CHST9: variants seen among roughly 807,000 people sequenced by gnomAD.
The protein encoded by CHST9 is carbohydrate sulfotransferase 9, also known as GalNAc-4-sulfotransferase 2.
In CHST9, 41 loss-of-function variants were observed where a neutral mutation model predicts 44.4. The ratio of observed to expected loss-of-function variants is 0.92; its 90% CI spans 0.72 to 1.20. The LOEUF is 1.20. Ranked by LOEUF, CHST9 falls within the 50% of genes most tolerant of loss-of-function variation. CHST9 has a pLI of 0.00. For synonymous variants in CHST9, 171 were observed against 178.4 expected, an observed-to-expected ratio of 0.96 and a Z score of 0.33; for missense variants, 504 against 516.5, an observed-to-expected ratio of 0.98 and a Z score of 0.23.
intron 4 of CHST9, among the ~76,000 whole-genome samples, chr18:26,991,725 G>A (rs2056819052): frequency 1.5e-5 from 1 of 68,958 alleles, no homozygotes; most frequent in African/African-American, 3.9e-5. Context: ...ACAGTTTTCT[G>A]AGGAGGAGGG....
intron 2 of CHST9, among the ~76,000 whole-genome samples, chr18:27,090,778 G>A (rs1322231403): frequency 6.6e-6 from 1 of 152,088 alleles, no homozygotes; most frequent in Non-Finnish European, 1.5e-5. Flanking sequence ...TTATTTCTGA[G>A]GCCTCTGTTC....
At chr18:27,082,942 C>A (rs1030255744) in intron 2 of CHST9, among the ~76,000 whole-genome samples, 1 of 152,086 alleles carries the variant, frequency 6.6e-6, no homozygotes, top group Non-Finnish European at 1.5e-5. Flanking sequence ...CAGGGTAAGA[C>A]AACATCATGT....
At chr18:27,087,373 C>T (rs1479670358) in intron 2 of CHST9, among the ~76,000 whole-genome samples, 1 of 152,186 alleles carries the variant, frequency 6.6e-6, no homozygotes, top group Non-Finnish European at 1.5e-5. Flanking sequence ...TTAGCAGAAA[C>T]ACTAGCAAAA....
chr18:27,035,337 T>A lies in CHST9; in HGVS notation c.161-11180A>T, dbSNP rs1460742377. Among the ~76,000 whole-genome samples, 3 of 152,292 alleles carry A rather than the reference T, an allele frequency of 2.0e-5. No individual in the cohort carries two copies. In the East Asian group the frequency reaches 5.8e-4, roughly 29 times the overall value. ...AGTGTTTATTCAGGGTCTTTGTCCA[T>A]TTTTAAATCATGGTTTTTGTTGTTA... On this transcript the variant is annotated intron_variant, in intron 3 of 5. Transcript: ENST00000618847.
chr18:27,016,314 TG>T (rs1295174051), intron 4 of CHST9, among the ~76,000 whole-genome samples: 1 of 152,174 alleles, frequency 6.6e-6, no homozygotes, highest in Non-Finnish European at 1.5e-5. Context: ...CCTGTTACCT[TG>T]GCCTAGAACA....
chr18:27,075,509 A>G (rs1598702326), intron 2 of CHST9, among the ~76,000 whole-genome samples: 1 of 129,916 alleles, frequency 7.7e-6, no homozygotes, highest in Admixed American at 7.6e-5. Flanking sequence ...GACTCCAAGT[A>G]GTCTGACATT....
At chr18:27,094,145 T>C (rs2058094752) in intron 2 of CHST9, among the ~76,000 whole-genome samples, 1 of 152,170 alleles carries the variant, frequency 6.6e-6, no homozygotes, top group Admixed American at 6.5e-5. Context: ...GTATACATAG[T>C]GGAAAACTCT....
At chr18:27,112,583 G>A (rs1199589689) in intron 2 of CHST9, among the ~76,000 whole-genome samples, 4 of 54,804 alleles carry the variant, frequency 7.3e-5, no homozygotes, top group Admixed American at 4.4e-4. Flanking sequence ...TTCAACGTGT[G>A]TGTGTGTGTG....
chr18:27,067,755 T>A (rs1263514510), intron 2 of CHST9, among the ~76,000 whole-genome samples: 1 of 152,174 alleles, frequency 6.6e-6, no homozygotes, highest in East Asian at 1.9e-4. Flanking sequence ...ATGGCCCTGA[T>A]GATTCTAGGA....
intron 3 of CHST9, among the ~76,000 whole-genome samples, chr18:27,026,101 G>C (rs2057282337): frequency 6.6e-6 from 1 of 152,160 alleles, no homozygotes; most frequent in African/African-American, 2.4e-5. Flanking sequence ...ATGTGGACAT[G>C]ATAGGCTCTT....
chr18:27,161,527 T>C (rs915426053), intron 1 of CHST9, among the ~76,000 whole-genome samples: 19 of 152,160 alleles, frequency 1.2e-4, no homozygotes, highest in African/African-American at 3.9e-4. Context: ...TGCTTTACTT[T>C]CAACTAAGTG....
chr18:27,117,377 C>A (rs749082003), intron 2 of CHST9, among the ~76,000 whole-genome samples: 3 of 152,102 alleles, frequency 2.0e-5, no homozygotes, highest in Non-Finnish European at 2.9e-5. Context: ...TACAGTGGAA[C>A]ACTGGTTACA....
intron 4 of CHST9, among the ~76,000 whole-genome samples, chr18:26,953,877 A>C: frequency 6.6e-6 from 1 of 152,166 alleles, no homozygotes; most frequent in Non-Finnish European, 1.5e-5. Context: ...TACATTTAGC[A>C]TGACCACTTC....
intron 2 of CHST9, among the ~76,000 whole-genome samples, chr18:27,071,696 T>C (rs1334303845): frequency 6.6e-6 from 1 of 152,204 alleles, no homozygotes; most frequent in Non-Finnish European, 1.5e-5. Context: ...ATAAATACAT[T>C]GTTGAGAAAT....
rs540711552 is a variant in CHST9 at position 27,139,974 on chromosome 18, G to A, written c.121+2715C>T. On this transcript the variant is annotated intron_variant, in intron 2 of 5. Transcript: ENST00000618847. The stretch of plus-strand genomic sequence containing the variant: ...TATAATTATATGCCTACATAATCCA[G>A]TGTTTTGGTTAGGAGACTCTTTCAG... Among the ~76,000 whole-genome samples, 16 of 152,276 alleles carry A rather than the reference G, an allele frequency of 1.1e-4. No individual in the cohort carries two copies. The South Asian group carries it at 1.2e-3, about 12-fold the overall frequency.
At chr18:27,072,039 T>C (rs577161525) in intron 2 of CHST9, among the ~76,000 whole-genome samples, 23 of 152,346 alleles carry the variant, frequency 1.5e-4, no homozygotes, top group Admixed American at 1.4e-3. Context: ...AGGATGAATG[T>C]TGACTCAACA....
At chr18:26,940,090 C>T (rs185790079) in intron 5 of CHST9, among the ~76,000 whole-genome samples, 1 of 152,142 alleles carries the variant, frequency 6.6e-6, no homozygotes, top group African/African-American at 2.4e-5. Flanking sequence ...ACAGCCTGAC[C>T]TCTCTCAATA....
At chr18:27,001,308 C>A (rs999319930) in intron 4 of CHST9, among the ~76,000 whole-genome samples, 1 of 152,150 alleles carries the variant, frequency 6.6e-6, no homozygotes, top group Admixed American at 6.5e-5. Flanking sequence ...AGAAATAATT[C>A]TATTCCCTTG....
intron 1 of CHST9, among the ~76,000 whole-genome samples, chr18:27,170,150 T>G (rs934432536): frequency 6.6e-6 from 1 of 152,208 alleles, no homozygotes; most frequent in Non-Finnish European, 1.5e-5. Context: ...AATTCCCTTT[T>G]ATTTTCCTTA....
Sources: allele counts gnomAD v4.1 joint callset (sites outside exome capture counted in the v4.1 genomes callset), GRCh38; gene constraint gnomAD v4.1.1; transcripts MANE v1.5; gene names NCBI Gene and HGNC (gene_info 2026-07-23, HGNC 2026-07-21).